The following RBPJ variants were observed in gnomAD, a reference collection of about 807,000 sequenced individuals.
RBPJ encodes recombining binding protein suppressor of hairless.
Under a neutral mutation model 67.8 loss-of-function variants are expected in RBPJ, and 9 were observed. The observed-to-expected ratio is 0.13, with a 90% CI of 0.08 to 0.23. The LOEUF is 0.23. Among genes scored for constraint, RBPJ ranks in the 10% least tolerant of loss-of-function variants. The pLI, the probability that RBPJ is intolerant of heterozygous loss-of-function variation, is 1.00. For synonymous variants in RBPJ, 198 were observed against 203.3 expected (o/e 0.97, Z 0.22); for missense variants, 305 against 595.6 (o/e 0.51, Z 5.08).
intron 1 of RBPJ, among the ~76,000 whole-genome samples, chr4:26,182,589 G>A (rs972393187): frequency 6.6e-6 from 1 of 151,162 alleles, no homozygotes; most frequent in Non-Finnish European, 1.5e-5. Context: ...AACCTCCTGG[G>A]TTCAAGCCAC....
At chr4:26,231,797 C>T (rs2109205848) in intron 1 of RBPJ, among the ~76,000 whole-genome samples, 1 of 152,152 alleles carries the variant, frequency 6.6e-6, no homozygotes, top group East Asian at 1.9e-4. Context: ...GATCCACTCG[C>T]CTCAGCCTCC....
intron 1 of RBPJ, among the ~76,000 whole-genome samples, chr4:26,308,805 A>C (rs1722331435): frequency 6.6e-6 from 1 of 152,208 alleles, no homozygotes; most frequent in Non-Finnish European, 1.5e-5. Flanking sequence ...ACAGATGCAA[A>C]GAGTGAAACC....
chr4:26,112,369 T>A, the RBPJ span: 1 of 157,520 alleles, frequency 6.3e-6, no homozygotes. Flanking sequence ...GCATTTAATG[T>A]ACGTGAGAAA....
chr4:26,125,146 C>A, the RBPJ span, among the ~76,000 whole-genome samples: 7 of 152,308 alleles, frequency 4.6e-5, no homozygotes, highest in African/African-American at 1.7e-4. Context: ...CCCTCTTGCT[C>A]ACATCCTATT....
intron 1 of RBPJ, among the ~76,000 whole-genome samples, chr4:26,250,970 A>C (rs1720090206): frequency 6.6e-6 from 1 of 152,218 alleles, no homozygotes. Context: ...ATGTAAACGC[A>C]TTTCTTAAAG....
At chr4:26,336,594 G>A (rs1037011109) in intron 1 of RBPJ, among the ~76,000 whole-genome samples, 8 of 151,062 alleles carry the variant, frequency 5.3e-5, no homozygotes, top group African/African-American at 1.9e-4. Context: ...AGATTGCAGT[G>A]AGCTGTGATT....
intron 1 of RBPJ, among the ~76,000 whole-genome samples, chr4:26,340,211 TG>T (rs1725365752): frequency 6.6e-6 from 1 of 152,080 alleles, no homozygotes; most frequent in South Asian, 2.1e-4. Flanking sequence ...GCAGGCAAGA[TG>T]GTCAAGGAAG....
intron 1 of RBPJ, among the ~76,000 whole-genome samples, chr4:26,278,217 A>T (rs938428407): frequency 6.6e-6 from 1 of 152,244 alleles, no homozygotes; most frequent in Non-Finnish European, 1.5e-5. Flanking sequence ...ATAGGATGCT[A>T]CATAACATTT....
At chr4:26,314,193 C>A (rs1254884950) in intron 1 of RBPJ, among the ~76,000 whole-genome samples, 1 of 151,996 alleles carries the variant, frequency 6.6e-6, no homozygotes, top group Non-Finnish European at 1.5e-5. Context: ...CGCAAAAGTA[C>A]ATAAAAAGCA....
chr4:26,146,271 G>C, the RBPJ span, among the ~76,000 whole-genome samples: 28 of 152,168 alleles, frequency 1.8e-4, no homozygotes, highest in Admixed American at 1.3e-3. Context: ...TTCAACAAAA[G>C]TGCCAACATA....
intron 1 of RBPJ, among the ~76,000 whole-genome samples, chr4:26,365,888 G>A (rs969718083): frequency 5.3e-5 from 8 of 152,178 alleles, no homozygotes; most frequent in African/African-American, 1.7e-4. Flanking sequence ...ATTAACCAAG[G>A]CTGTTTTATT....
chr4:26,137,172 C>T, the RBPJ span, among the ~76,000 whole-genome samples: 4 of 152,168 alleles, frequency 2.6e-5, no homozygotes, highest in Non-Finnish European at 5.9e-5. Flanking sequence ...GGTCAGCAGC[C>T]AAGCTCAGCA....
chr4:26,249,263 AAC>A (rs1333178603), intron 1 of RBPJ, among the ~76,000 whole-genome samples: 5 of 152,214 alleles, frequency 3.3e-5, no homozygotes, highest in African/African-American at 1.2e-4. Context: ...TAATTTATGA[AAC>A]ACACAGCTCC....
At chr4:26,334,867 C>G (rs1724644892) in intron 1 of RBPJ, among the ~76,000 whole-genome samples, 1 of 152,206 alleles carries the variant, frequency 6.6e-6, no homozygotes, top group Non-Finnish European at 1.5e-5. Flanking sequence ...TTTGCTACTT[C>G]TCTTCCAATC....
At chr4:26,200,990 T>A (rs1393280763) in intron 1 of RBPJ, among the ~76,000 whole-genome samples, 3 of 152,182 alleles carry the variant, frequency 2.0e-5, no homozygotes, top group Admixed American at 1.3e-4. Flanking sequence ...ATGGATGCTG[T>A]TCCAAAACCA....
chr4:26,169,294 G>C (rs1285980754), intron 1 of RBPJ, among the ~76,000 whole-genome samples: 1 of 152,220 alleles, frequency 6.6e-6, no homozygotes, highest in Non-Finnish European at 1.5e-5. Flanking sequence ...CTAACAGACA[G>C]GACCCTCAGC....
chr4:26,267,552 T>G (rs937844243), intron 1 of RBPJ, among the ~76,000 whole-genome samples: 6 of 151,836 alleles, frequency 4.0e-5, no homozygotes, highest in African/African-American at 1.5e-4. Flanking sequence ...ACTTCACAAT[T>G]TGTGTGTATA....
At chr4:26,227,280 A>G (rs960627245) in intron 1 of RBPJ, among the ~76,000 whole-genome samples, 3 of 152,186 alleles carry the variant, frequency 2.0e-5, no homozygotes, top group Admixed American at 6.5e-5. Context: ...TGGACTCTGG[A>G]GTGAGTAAAA....
chr4:26,235,553 G>T (rs1245118663), intron 1 of RBPJ, among the ~76,000 whole-genome samples: 1 of 152,162 alleles, frequency 6.6e-6, no homozygotes, highest in African/African-American at 2.4e-5. Flanking sequence ...ATCATCTTTG[G>T]TGATGCAATT....
Sources: gnomAD v4.1 joint callset for allele counts (sites outside exome capture counted in the v4.1 genomes callset) on GRCh38, gnomAD v4.1.1 for gene constraint, MANE v1.5 for transcripts, NCBI Gene and HGNC (gene_info 2026-07-23, HGNC 2026-07-21) for gene names.